The following GRIK2 variants were observed in gnomAD, a reference collection of about 807,000 sequenced individuals.
GRIK2 encodes the protein glutamate receptor ionotropic, kainate 2.
A neutral mutation model predicts 100.3 loss-of-function variants in GRIK2; 32 were observed. That is an observed-to-expected ratio of 0.32 (90% CI 0.24 to 0.43). The LOEUF (loss-of-function observed/expected upper bound fraction) is 0.43. Among genes scored for constraint, GRIK2 ranks in the 20% least tolerant of loss-of-function variants. The probability of loss-of-function intolerance (pLI) is 1.00; values close to 1 mark genes in which losing one functional copy is unlikely to be tolerated. For missense variants in GRIK2, 843 were observed against 1,114.9 expected, an observed-to-expected ratio of 0.76 and a Z score of 3.47; for synonymous variants, 417 against 389.4, an observed-to-expected ratio of 1.07 and a Z score of -0.83.
chr6:101,552,811 T>C lies in GRIK2; in HGVS notation c.116-69138T>C, dbSNP rs1776571449. 2.6e-5 allele frequency among the ~76,000 whole-genome samples: 4 copies of C among 152,318 alleles called. No homozygotes were observed. The South Asian group carries it at 8.3e-4, about 32-fold the overall frequency. ...AAAAGCCACTAATGAAAAAGTCTCT[T>C]CTGCCACCTGAGGCATCCTTTTACT... On this transcript the variant is annotated intron_variant, in intron 2 of 16. Coordinates refer to ENST00000369134, the MANE Select transcript of GRIK2 (RefSeq NM_021956.5).
chr6:101,565,878 A>G (rs1437942281), intron 2 of GRIK2, among the ~76,000 whole-genome samples: 1 of 147,086 alleles, frequency 6.8e-6, no homozygotes, highest in African/African-American at 2.5e-5. Context: ...TATGTTACCA[A>G]TATAATTCTG....
intron 7 of GRIK2, among the ~76,000 whole-genome samples, chr6:101,769,443 C>CTGA (rs2128396254): frequency 6.6e-6 from 1 of 152,204 alleles, no homozygotes; most frequent in African/African-American, 2.4e-5. Flanking sequence ...TTATCTGATG[C>CTGA]TGTGAACCCT....
chr6:101,395,680 G>A (rs1043809277), intron 1 of GRIK2, among the ~76,000 whole-genome samples: 1 of 151,848 alleles, frequency 6.6e-6, no homozygotes, highest in Admixed American at 6.6e-5. Flanking sequence ...AAGCTAGTGG[G>A]TTTTTTTGTT....
chr6:101,869,585 A>G (rs1562452048), intron 11 of GRIK2, among the ~76,000 whole-genome samples: 1 of 151,876 alleles, frequency 6.6e-6, no homozygotes, highest in South Asian at 2.1e-4. Flanking sequence ...ACATTATCCA[A>G]TTTGGATCAT....
intron 10 of GRIK2, among the ~76,000 whole-genome samples, chr6:101,854,257 T>C (rs1254430153): frequency 3.9e-5 from 6 of 151,908 alleles, no homozygotes; most frequent in Non-Finnish European, 5.9e-5. Flanking sequence ...AAAAATTAAG[T>C]CTATTAATTA....
intron 14 of GRIK2, among the ~76,000 whole-genome samples, chr6:101,931,799 G>A (rs114480766): frequency 0.011 from 1,730 of 152,172 alleles, 36 homozygotes; most frequent in African/African-American, 0.04. Flanking sequence ...AAACTGCATG[G>A]TATCACCAAT....
intron 10 of GRIK2, among the ~76,000 whole-genome samples, chr6:101,853,073 C>A (rs1784229022): frequency 6.6e-6 from 1 of 152,102 alleles, no homozygotes. Flanking sequence ...TTCTGATTCC[C>A]ATCTGATTCA....
At chr6:101,645,064 T>A (rs1781454532) in intron 4 of GRIK2, among the ~76,000 whole-genome samples, 1 of 151,672 alleles carries the variant, frequency 6.6e-6, no homozygotes, top group Non-Finnish European at 1.5e-5. Context: ...TGCCTGTTGT[T>A]TAGCCCCTGA....
intron 7 of GRIK2, among the ~76,000 whole-genome samples, chr6:101,719,575 T>C (rs776551054): frequency 7.9e-5 from 12 of 151,942 alleles, no homozygotes; most frequent in Non-Finnish European, 1.3e-4. Flanking sequence ...ACATTAGGAC[T>C]TTGGAGTTCA....
At chr6:101,855,306 T>C (rs1004723026) in intron 10 of GRIK2, among the ~76,000 whole-genome samples, 34 of 152,172 alleles carry the variant, frequency 2.2e-4, no homozygotes, top group African/African-American at 8.0e-4. Context: ...TATGTCATAA[T>C]AGGGGAAGAA....
rs574021645 is a variant in GRIK2 at position 101,516,491 on chromosome 6, G to T, written c.116-105458G>T. Among the ~76,000 whole-genome samples, 4 of 152,100 alleles carry T rather than the reference G, an allele frequency of 2.6e-5. No individual in the cohort carries two copies. In the South Asian group the frequency reaches 8.3e-4, roughly 32 times the overall value. ...AAACAAAAACATAAAGTGGGGAAAG[G>T]GCACCCTTTTTAACAAATGATACTG... On this transcript the variant is annotated intron_variant, in intron 2 of 16. Coordinates refer to ENST00000369134, the MANE Select transcript of GRIK2 (RefSeq NM_021956.5).
chr6:101,736,070 C>CT (rs111816844), intron 7 of GRIK2, among the ~76,000 whole-genome samples: 17,793 of 152,092 alleles, frequency 0.12, 1,408 homozygotes, highest in East Asian at 0.27. Context: ...CCAAAATGAT[C>CT]TTTTTTTACT....
At chr6:101,484,897 C>T (rs1772735224) in intron 2 of GRIK2, among the ~76,000 whole-genome samples, 1 of 152,082 alleles carries the variant, frequency 6.6e-6, no homozygotes, top group African/African-American at 2.4e-5. Context: ...ATAACTTAAT[C>T]ACTGGAAACA....
chr6:101,952,834 C>T (rs1323887097), intron 14 of GRIK2, among the ~76,000 whole-genome samples: 1 of 152,142 alleles, frequency 6.6e-6, no homozygotes, highest in Non-Finnish European at 1.5e-5. Context: ...GATCTCCTGA[C>T]TTCTTGATCT....
intron 2 of GRIK2, among the ~76,000 whole-genome samples, chr6:101,580,404 A>T (rs1339825473): frequency 1.3e-5 from 2 of 152,124 alleles, no homozygotes; most frequent in African/African-American, 4.8e-5. Flanking sequence ...CTGTTAGTCA[A>T]ATCTGTCAGC....
Position 101,799,654 on chromosome 6 carries a change from G to A in GRIK2, c.958G>A (p.Ala320Thr). The A allele has an allele frequency of 1.2e-6, 2 of 1,612,608 alleles. No individual in the cohort carries two copies. Among genetic ancestry groups the A allele is most frequent in the Non-Finnish European group, 1.7e-6 (2 of 1,178,804 alleles). ...GLLDGFMTTD[A>T]ALMYDAVHVV... ...CCTTTCCCTTGCTTTTCAGACTGAT[G>A]CTGCTCTAATGTATGATGCTGTGCA... The change falls in exon 8 of 17, where the codon GCT becomes ACT. Residue 320 changes from alanine (A) to threonine (T), a missense_variant. Transcript: ENST00000369134.
chr6:101,624,530 AATATT>A (rs1215068669), intron 3 of GRIK2, among the ~76,000 whole-genome samples: 1 of 152,186 alleles, frequency 6.6e-6, no homozygotes, highest in African/African-American at 2.4e-5. Context: ...ATTCACGTAT[AATATT>A]ATATTTTATG....
intron 12 of GRIK2, among the ~76,000 whole-genome samples, chr6:101,919,351 CAT>C (rs1010872644): frequency 1.6e-4 from 25 of 151,850 alleles, no homozygotes; most frequent in African/African-American, 6.0e-4. Flanking sequence ...AAAAAGTTGA[CAT>C]GTCTTAAGCA....
At chr6:101,727,992 CAT>C (rs1281338909) in intron 7 of GRIK2, among the ~76,000 whole-genome samples, 2 of 151,982 alleles carry the variant, frequency 1.3e-5, no homozygotes, top group Non-Finnish European at 2.9e-5. Flanking sequence ...AGGAATGACT[CAT>C]GTGCAGATGA....
Sources: gnomAD v4.1 joint callset for allele counts (sites outside exome capture counted in the v4.1 genomes callset) on GRCh38, gnomAD v4.1.1 for gene constraint, MANE v1.5 for transcripts, NCBI Gene and HGNC (gene_info 2026-07-23, HGNC 2026-07-21) for gene names.